The following ANKRD12 variants were observed in gnomAD, a reference collection of about 807,000 sequenced individuals.
ANKRD12 encodes ankyrin repeat domain 12.
In ANKRD12, 85 loss-of-function variants were observed where a neutral mutation model predicts 183.4. The ratio of observed to expected loss-of-function variants is 0.46; its 90% confidence interval spans 0.39 to 0.56. The LOEUF is 0.56. ANKRD12 is among the 20% of genes least tolerant of loss of function. The pLI is 0.00. For synonymous variants in ANKRD12, 914 were observed against 800.2 expected, an observed-to-expected ratio of 1.14 and a Z score of -2.40; for missense variants, 2,405 against 2,357.1, an observed-to-expected ratio of 1.02 and a Z score of -0.42.
chr18:9,258,191 T>A lies in ANKRD12; in HGVS notation c.4924T>A (p.Leu1642Ile). ...AGAAAACAAACTGGAGAGTTTGGTT[T>A]TAACTCATTTGAGTAGGTGTGATTC... ...EKENKLESLV[L>I]THLSRCDSDL... The change falls in exon 9 of 13, where the codon TTA (leucine) becomes ATA (isoleucine). Residue 1642 changes from leucine (L) to isoleucine (I), a missense_variant. By Grantham distance (5) the Leu-to-Ile change is conservative. Coordinates refer to ENST00000262126, the MANE Select transcript of ANKRD12 (RefSeq NM_015208.5). 6.2e-7 allele frequency: 1 copy of A among 1,613,860 alleles called. No individual in the cohort carries two copies. The highest frequency in any genetic ancestry group is 8.5e-7 in the Non-Finnish European group (1 of 1,179,948).
At position 9,284,048 on chromosome 18, in the gene ANKRD12, A is replaced by G. The variant is rs1190736997; in HGVS notation, c.*2922A>G. Reference sequence around the variant, plus strand: ...TGCATATAAAAGTTTTGTTTATACTATATTAAGTGTGCAATAGCATTATGT... The same window carrying G: ...TGCATATAAAAGTTTTGTTTATACTGTATTAAGTGTGCAATAGCATTATGT... On this transcript the variant is annotated 3_prime_UTR_variant, in exon 13 of 13. Transcript: ENST00000262126. The G allele has an allele frequency of 1.3e-5, 2 of 152,218 alleles. No individual in the cohort carries two copies. The highest frequency in any genetic ancestry group is 2.9e-5 in the Non-Finnish European group (2 of 68,028). The allele number at this position is 152,218 out of a possible 1,614,324, so 9.4% of individuals were successfully genotyped here. A position where few individuals can be genotyped will look rare whatever the true frequency, so the allele number is the denominator to read the frequency against.
chr18:9,169,900 C>G (rs1224213823), intron 1 of ANKRD12, among the ~76,000 whole-genome samples: 1 of 152,272 alleles, frequency 6.6e-6, no homozygotes, highest in Non-Finnish European at 1.5e-5. Flanking sequence ...TCTTTTAGGG[C>G]AGGCCTGGTA....
At chr18:9,194,546 A>G (rs1323616354) in intron 2 of ANKRD12, among the ~76,000 whole-genome samples, 1 of 151,954 alleles carries the variant, frequency 6.6e-6, no homozygotes, top group Non-Finnish European at 1.5e-5. Flanking sequence ...TTGTAGAGAC[A>G]GGATTTCACC....
Position 9,228,937 on chromosome 18 carries a change from T to G in ANKRD12, c.943+6938T>G, listed in dbSNP as rs2036883555. Among the ~76,000 whole-genome samples, 3 of 152,164 alleles carry G rather than the reference T, an allele frequency of 2.0e-5. No individual in the cohort carries two copies. The South Asian group carries it at 6.2e-4, about 32-fold the overall frequency. On this transcript the variant is annotated intron_variant, in intron 8 of 12. Transcript: ENST00000262126. ...TTTTTTTTTTTTACTAGTTTTATAA[T>G]TTTGAGTCTCACATTTAAGTCTTTA...
chr18:9,280,250 A>G (rs2040046647), intron 12 of ANKRD12, among the ~76,000 whole-genome samples: 1 of 152,134 alleles, frequency 6.6e-6, no homozygotes, highest in Admixed American at 6.5e-5. Context: ...TCGCATGTGC[A>G]GTTCACAATA....
At chr18:9,220,985 G>A (rs1297655997) in intron 7 of ANKRD12, among the ~76,000 whole-genome samples, 4 of 152,222 alleles carry the variant, frequency 2.6e-5, no homozygotes, top group Middle Eastern at 3.4e-3. Flanking sequence ...GTCTTTTCAG[G>A]AGATGGACAG....
chr18:9,250,733 C>A (rs140268466), intron 8 of ANKRD12, among the ~76,000 whole-genome samples: 43 of 152,172 alleles, frequency 2.8e-4, no homozygotes, highest in African/African-American at 9.9e-4. Context: ...AAACAAGAGA[C>A]TCCAGAAATC....
At chr18:9,238,977 C>T (rs1367204915) in intron 8 of ANKRD12, among the ~76,000 whole-genome samples, 1 of 152,040 alleles carries the variant, frequency 6.6e-6, no homozygotes, top group Non-Finnish European at 1.5e-5. Context: ...CAAAAATTAG[C>T]AGGGCATGGT....
intron 1 of ANKRD12, among the ~76,000 whole-genome samples, chr18:9,158,508 T>C (rs1160400432): frequency 1.3e-5 from 2 of 152,152 alleles, no homozygotes; most frequent in Non-Finnish European, 2.9e-5. Flanking sequence ...TTGTCTTAAG[T>C]TTTTCTCATG....
In ANKRD12 at chr18:9,258,492, C is replaced by G; in HGVS notation, c.5225C>G (p.Thr1742Arg). 4 of 1,613,742 alleles carry G rather than the reference C, an allele frequency of 2.5e-6. No homozygotes were observed. The highest frequency in any genetic ancestry group is 1.1e-5 in the South Asian group (1 of 91,046). ...AGAATGACTAGAAACAAAGCAAATA[C>G]AATGGCAAATCAAAGCAAACAGATT... ...PQRMTRNKAN[T>R]MANQSKQILA... The change falls in exon 9 of 13, where the codon ACA becomes AGA. Residue 1742 changes from threonine (T) to arginine (R), a missense_variant. Thr to Arg is a moderately conservative substitution (Grantham distance 71). Around this residue, in one of 7 missense-constraint regions of ANKRD12, gnomAD observed 1,983 missense variants for 1,725.9 expected, o/e 1.15. Coordinates refer to ENST00000262126, the MANE Select transcript of ANKRD12 (RefSeq NM_015208.5).
At chr18:9,208,870 T>A (rs2035626881) in intron 5 of ANKRD12, 67 bp downstream of exon 5, 1 of 1,353,748 alleles carries the variant, frequency 7.4e-7, no homozygotes, top group African/African-American at 1.5e-5. Flanking sequence ...AGTCTCGTCT[T>A]AACAATTATT....
At chr18:9,209,899 C>T (rs1177204680) in intron 5 of ANKRD12, among the ~76,000 whole-genome samples, 2 of 152,114 alleles carry the variant, frequency 1.3e-5, no homozygotes, top group Non-Finnish European at 2.9e-5. Context: ...CTTTCATCTC[C>T]AATCACCTCC....
In ANKRD12 at chr18:9,255,959, G is replaced by T; in HGVS notation, c.2692G>T (p.Asp898Tyr). 1 of 1,576,944 alleles carries T rather than the reference G, an allele frequency of 6.3e-7. No individual in the cohort carries two copies. Among genetic ancestry groups the T allele is most frequent in the African/African-American group, 1.4e-5 (1 of 72,452 alleles). Residue 898 changes from aspartate (D) to tyrosine (Y), a missense_variant, in exon 9 of 13, where the codon GAC (aspartate) becomes TAC (tyrosine). This residue lies in a region of ANKRD12 where 1,983 missense variants were observed against 1,725.9 expected (regional missense o/e 1.15). Transcript: ENST00000262126. ...SKNTAAIKKT[D>Y]DREKSREKMD... ...AAATACTGCTGCTATTAAAAAAACT[G>T]ACGACAGAGAGAAAAGTAGAGAAAA...
chr18:9,218,588 G>T (rs1168472557), intron 7 of ANKRD12, among the ~76,000 whole-genome samples: 1 of 152,016 alleles, frequency 6.6e-6, no homozygotes, highest in African/African-American at 2.4e-5. Flanking sequence ...TTATAGAGAG[G>T]ATTAACATAG....
In ANKRD12 at chr18:9,242,913, C is replaced by T. The variant is rs2037744997; in HGVS notation, c.944-11298C>T. Among the ~76,000 whole-genome samples, 3 of 152,216 alleles carry T rather than the reference C, an allele frequency of 2.0e-5. No homozygotes were observed. In the South Asian group the frequency reaches 6.2e-4, roughly 32 times the overall value. Reference sequence around the variant, plus strand: ...AATAAGTTCTTATCTGGCATACTTACCTCTGAACAGATGTGTATGACTTCT... The same window carrying T: ...AATAAGTTCTTATCTGGCATACTTATCTCTGAACAGATGTGTATGACTTCT... On this transcript the variant is annotated intron_variant, in intron 8 of 12. Transcript: ENST00000262126.
chr18:9,198,950 G>A (rs117735388), intron 3 of ANKRD12, among the ~76,000 whole-genome samples: 5,342 of 152,074 alleles, frequency 0.035, 162 homozygotes, highest in Non-Finnish European at 0.052. Context: ...TATAGGATTT[G>A]TTAAATTATG....
intron 12 of ANKRD12, among the ~76,000 whole-genome samples, chr18:9,279,974 TATTTG>T (rs1169115535): frequency 3.9e-5 from 6 of 152,192 alleles, no homozygotes; most frequent in Admixed American, 6.5e-5. Flanking sequence ...ATCTATAAAT[TATTTG>T]ATTTGAGATT....
intron 1 of ANKRD12, among the ~76,000 whole-genome samples, chr18:9,141,215 TGTGGTG>T (rs56166909): frequency 1.3e-5 from 2 of 151,074 alleles, no homozygotes; most frequent in African/African-American, 4.9e-5. Context: ...TACTTGTTGC[TGTGGTG>T]GTGGTGGTGG....
At chr18:9,280,290 C>A (rs919317424) in intron 12 of ANKRD12, among the ~76,000 whole-genome samples, 1 of 152,012 alleles carries the variant, frequency 6.6e-6, no homozygotes, top group Admixed American at 6.6e-5. Context: ...AATCTAATGC[C>A]GTTGCTGATC....
Sources: gnomAD v4.1 joint callset for allele counts (sites outside exome capture counted in the v4.1 genomes callset) on GRCh38, gnomAD v4.1.1 for gene constraint, gnomAD v4.1.1 regional missense constraint, MANE v1.5 for transcripts, NCBI Gene and HGNC (gene_info 2026-07-23, HGNC 2026-07-21) for gene names.